The following FHIT variants were observed in gnomAD, a reference collection of about 807,000 sequenced individuals.
FHIT encodes the protein bis(5'-adenosyl)-triphosphatase.
In FHIT, 19 loss-of-function variants were observed where a neutral mutation model predicts 17.9. The observed-to-expected ratio is 1.06, with a 90% CI of 0.74 to 1.56. The LOEUF (loss-of-function observed/expected upper bound fraction) is 1.56, where lower values mean the gene tolerates loss of function less well. FHIT is among the 40% of genes most tolerant of loss of function. The pLI is 0.00. For missense variants in FHIT, 248 were observed against 189.2 expected (o/e 1.31, Z -1.82); for synonymous variants, 81 against 69.7 (o/e 1.16, Z -0.81).
At chr3:60,110,039 C>G (rs1414051819) in intron 5 of FHIT, among the ~76,000 whole-genome samples, 1 of 152,184 alleles carries the variant, frequency 6.6e-6, no homozygotes, top group African/African-American at 2.4e-5. Flanking sequence ...TTCACGCACT[C>G]AGTTAGGCCT....
At chr3:60,004,432 G>A (rs1699844735) in intron 7 of FHIT, among the ~76,000 whole-genome samples, 1 of 152,104 alleles carries the variant, frequency 6.6e-6, no homozygotes, top group Non-Finnish European at 1.5e-5. Context: ...ATATAATTCT[G>A]CCATAAATTG....
Position 60,754,915 on chromosome 3 carries a change from G to C in FHIT, c.-18+67004C>G, listed in dbSNP as rs1424863851. ...TCCATTTTTCCTTCCTCTCAAGAAA[G>C]TATATTAGATTGCAAGGTTGCAAGA... is the stretch of plus-strand genomic sequence containing the variant. On this transcript the variant is annotated intron_variant, in intron 4 of 9. Transcript: ENST00000492590. 1.3e-5 allele frequency among the ~76,000 whole-genome samples: 2 copies of C among 152,082 alleles called. 1 individual carries two copies.
At chr3:60,796,017 C>A (rs531974371) in intron 4 of FHIT, among the ~76,000 whole-genome samples, 1 of 152,232 alleles carries the variant, frequency 6.6e-6, no homozygotes, top group African/African-American at 2.4e-5. Context: ...GTGAAAGGCA[C>A]TTCTTACATG....
chr3:60,168,946 C>A (rs146294206), intron 5 of FHIT, among the ~76,000 whole-genome samples: 1 of 152,284 alleles, frequency 6.6e-6, no homozygotes, highest in South Asian at 2.1e-4. Flanking sequence ...CTTGACATAT[C>A]GGGATGTGTG....
intron 5 of FHIT, among the ~76,000 whole-genome samples, chr3:60,224,870 AC>A (rs1380593648): frequency 3.3e-5 from 5 of 151,886 alleles, no homozygotes; most frequent in African/African-American, 1.2e-4. Context: ...ACAGGCATGC[AC>A]CACCATGCCT....
At chr3:61,045,388 A>T (rs1020452586) in intron 2 of FHIT, among the ~76,000 whole-genome samples, 2 of 152,228 alleles carry the variant, frequency 1.3e-5, no homozygotes, top group African/African-American at 2.4e-5. Context: ...CAAAGAGACA[A>T]AGAAGGCCGT....
chr3:59,911,025 A>G (rs1704845906), intron 8 of FHIT, among the ~76,000 whole-genome samples: 1 of 152,192 alleles, frequency 6.6e-6, no homozygotes, highest in Non-Finnish European at 1.5e-5. Context: ...CAGTTTTTGA[A>G]ATATAACTTT....
chr3:60,304,621 A>G (rs741898), intron 5 of FHIT, among the ~76,000 whole-genome samples: 31,567 of 152,100 alleles, frequency 0.21, 4,392 homozygotes, highest in East Asian at 0.74. Context: ...TAAGCAGTTA[A>G]TCTTTAGATA....
intron 4 of FHIT, among the ~76,000 whole-genome samples, chr3:60,600,967 C>T (rs2038426752): frequency 6.6e-6 from 1 of 152,136 alleles, no homozygotes; most frequent in Non-Finnish European, 1.5e-5. Context: ...AGCTCCCCTT[C>T]CGGGCCCCTC....
Position 61,036,874 on chromosome 3 carries a change from G to A in FHIT, c.-111+5173C>T, listed in dbSNP as rs557749615. Among the ~76,000 whole-genome samples, 16 of 148,446 alleles carry A rather than the reference G, an allele frequency of 1.1e-4. 1 individual carries two copies. Among genetic ancestry groups the A allele is most frequent in the Admixed American group, 7.4e-4 (11 of 14,916 alleles). On this transcript the variant is annotated intron_variant, in intron 3 of 9. Transcript: ENST00000492590. ...TTGCCATTAAAAAATTACCTTCGTG[G>A]TTTCACCTCAAAGATCAGTCTGCTT...
At chr3:60,994,702 G>A (rs1333949679) in intron 3 of FHIT, among the ~76,000 whole-genome samples, 1 of 152,148 alleles carries the variant, frequency 6.6e-6, no homozygotes. Context: ...AATGTCCATT[G>A]GGCAATGGGA....
chr3:60,400,518 G>C (rs1701620408), intron 5 of FHIT, among the ~76,000 whole-genome samples: 1 of 152,118 alleles, frequency 6.6e-6, no homozygotes, highest in Admixed American at 6.5e-5. Flanking sequence ...CCAACCTTGG[G>C]TTAGTAGAGC....
At chr3:61,046,712 C>A (rs927028428) in intron 2 of FHIT, among the ~76,000 whole-genome samples, 3 of 152,044 alleles carry the variant, frequency 2.0e-5, no homozygotes, top group African/African-American at 7.2e-5. Context: ...TAGACCAATA[C>A]CCCTGATGAA....
rs1700713656 is a variant in FHIT, at chr3:59,748,415, A to G, written c.*1170T>C. ...GAGGGTAGCCTAGGCAGGATTCAGC[A>G]TGATCTGAGAATCTTGCAAGTAGAA... On this transcript the variant is annotated 3_prime_UTR_variant, in exon 10 of 10. Transcript: ENST00000492590. Among the ~76,000 whole-genome samples the G allele has an allele frequency of 6.6e-6, 1 of 152,136 alleles. No individual in the cohort carries two copies. Among genetic ancestry groups the G allele is most frequent in the Non-Finnish European group, 1.5e-5 (1 of 68,004 alleles).
At chr3:60,305,386 C>A (rs1016613697) in intron 5 of FHIT, among the ~76,000 whole-genome samples, 3 of 151,970 alleles carry the variant, frequency 2.0e-5, no homozygotes, top group Non-Finnish European at 2.9e-5. Flanking sequence ...ATCTAAGGTA[C>A]CTTGGAATAA....
At position 60,011,408 on chromosome 3, in the gene FHIT, T is replaced by C. The variant is rs774262067; in HGVS notation, c.250-8A>G. 7.4e-6 allele frequency: 12 copies of C among 1,613,082 alleles called. No individual in the cohort carries two copies. The highest frequency in any genetic ancestry group is 6.6e-5 in the South Asian group (6 of 91,044). On this transcript the variant is annotated splice_polypyrimidine_tract_variant and splice_region_variant and intron_variant, in intron 6 of 9. Coordinates refer to ENST00000492590, the MANE Select transcript of FHIT (RefSeq NM_002012.4). ...TCCGGCTTCGGGGCCATCCTAGAAGTAGGAAAAAACCAACAGAGGTGAGAA... is the reference window on the plus strand; with the variant it reads ...TCCGGCTTCGGGGCCATCCTAGAAGCAGGAAAAAACCAACAGAGGTGAGAA...
At chr3:60,011,572 C>T (rs1426319431) in intron 6 of FHIT, among the ~76,000 whole-genome samples, 172 bp from the exon 7 acceptor site, 4 of 120,582 alleles carry the variant, frequency 3.3e-5, no homozygotes, top group Admixed American at 1.6e-4. Context: ...TCTCCATTTC[C>T]GCCTGAGAGT....
At chr3:60,190,777 TA>T (rs576819809) in intron 5 of FHIT, among the ~76,000 whole-genome samples, 1 of 151,706 alleles carries the variant, frequency 6.6e-6, no homozygotes, top group East Asian at 1.9e-4. Context: ...TAATAAAATT[TA>T]AAAAAAATAC....
chr3:59,864,958 A>C (rs558854132), intron 8 of FHIT, among the ~76,000 whole-genome samples: 15 of 152,274 alleles, frequency 9.9e-5, no homozygotes, highest in African/African-American at 3.6e-4. Context: ...CCAGAGCTTC[A>C]GGCTCATAAT....
Sources: allele counts gnomAD v4.1 joint callset (sites outside exome capture counted in the v4.1 genomes callset), GRCh38; gene constraint gnomAD v4.1.1; transcripts MANE v1.5; gene names NCBI Gene and HGNC (gene_info 2026-07-23, HGNC 2026-07-21).